The following SLC24A4 variants were observed in gnomAD, a reference collection of about 807,000 sequenced individuals.
The protein encoded by SLC24A4 is solute carrier family 24 member 4.
Under a neutral mutation model 79.0 loss-of-function variants are expected in SLC24A4, and 53 were observed. That is an observed-to-expected ratio of 0.67 (90% CI 0.54 to 0.84). SLC24A4 has a LOEUF of 0.84. Ranked by LOEUF, SLC24A4 falls within the 40% of genes least tolerant of loss-of-function variation. The probability of loss-of-function intolerance (pLI) is 0.00; values close to 1 mark genes in which losing one functional copy is unlikely to be tolerated. For missense variants in SLC24A4, 731 were observed against 822.0 expected (o/e 0.89, Z 1.35); for synonymous variants, 323 against 323.8 (o/e 1.00, Z 0.03).
At chr14:92,374,226 C>T (rs1888370299) in intron 2 of SLC24A4, among the ~76,000 whole-genome samples, 2 of 152,210 alleles carry the variant, frequency 1.3e-5, no homozygotes, top group African/African-American at 4.8e-5. Context: ...TGTTACCTCA[C>T]CGTTCCTGAG....
intron 2 of SLC24A4, among the ~76,000 whole-genome samples, chr14:92,378,974 A>G (rs898120737): frequency 6.6e-6 from 1 of 152,168 alleles, no homozygotes; most frequent in Non-Finnish European, 1.5e-5. Context: ...AGATGGGAGA[A>G]TCGCTTGAGC....
intron 2 of SLC24A4, among the ~76,000 whole-genome samples, chr14:92,395,067 G>A (rs927737204): frequency 1.3e-5 from 2 of 152,168 alleles, no homozygotes; most frequent in African/African-American, 4.8e-5. Context: ...GGAAAGGGTC[G>A]GAGTGGCCTC....
At chr14:92,465,079 A>G (rs1016780251) in intron 12 of SLC24A4, among the ~76,000 whole-genome samples, 7 of 152,176 alleles carry the variant, frequency 4.6e-5, no homozygotes, top group Admixed American at 2.0e-4. Flanking sequence ...GATGAGAACA[A>G]CGTGTTCCCT....
chr14:92,372,986 C>CCT (rs1264684347), intron 2 of SLC24A4, among the ~76,000 whole-genome samples: 4 of 130,662 alleles, frequency 3.1e-5, no homozygotes, highest in African/African-American at 7.9e-5. Context: ...CCTCCCTCTC[C>CCT]CTCTCTCTCT....
intron 2 of SLC24A4, among the ~76,000 whole-genome samples, chr14:92,427,686 A>T (rs763375091): frequency 9.2e-5 from 14 of 152,240 alleles, no homozygotes; most frequent in Non-Finnish European, 2.1e-4. Context: ...AATAGAATCC[A>T]TGTTTAATAT....
intron 2 of SLC24A4, among the ~76,000 whole-genome samples, chr14:92,371,581 C>T (rs1418417370): frequency 3.3e-5 from 5 of 152,212 alleles, no homozygotes. Flanking sequence ...TCTCCACTAA[C>T]TCATTTATAA....
chr14:92,376,703 G>A (rs1053506349), intron 2 of SLC24A4, among the ~76,000 whole-genome samples: 5 of 152,188 alleles, frequency 3.3e-5, no homozygotes, highest in Non-Finnish European at 5.9e-5. Context: ...CTTAAACCTC[G>A]TTTAGCTCAG....
At chr14:92,383,759 G>A (rs543022210) in intron 2 of SLC24A4, among the ~76,000 whole-genome samples, 69 of 151,298 alleles carry the variant, frequency 4.6e-4, no homozygotes, top group Non-Finnish European at 5.9e-4. Context: ...GATGAGAGAT[G>A]CTTCCCAGAC....
chr14:92,384,679 G>C (rs1889050231), intron 2 of SLC24A4, among the ~76,000 whole-genome samples: 1 of 152,178 alleles, frequency 6.6e-6, no homozygotes, highest in African/African-American at 2.4e-5. Flanking sequence ...GGAAGATACT[G>C]AGGCTTTAAA....
rs1260495687 is a variant in SLC24A4 at position 92,441,333 on chromosome 14, T to C, written c.394-756T>C. ...CAGCGCTGCATTTCGGATCAGAGGATGGGCTCTGTGGCCAGACATGACCCG... is the reference window on the plus strand; with the variant it reads ...CAGCGCTGCATTTCGGATCAGAGGACGGGCTCTGTGGCCAGACATGACCCG... On this transcript the variant is annotated intron_variant, in intron 4 of 16. Coordinates refer to ENST00000532405, the MANE Select transcript of SLC24A4 (RefSeq NM_153646.4). The surrounding 1 kb of genome is among the most constrained non-coding windows in gnomAD (Gnocchi z 4.6). Among the ~76,000 whole-genome samples the C allele has an allele frequency of 6.6e-6, 1 of 152,174 alleles. No individual in the cohort carries two copies. The highest frequency in any genetic ancestry group is 1.5e-5 in the Non-Finnish European group (1 of 68,030).
chr14:92,408,416 C>G, intron 2 of SLC24A4: 1 of 985,398 alleles, frequency 1.0e-6, no homozygotes, highest in Non-Finnish European at 1.2e-6. Flanking sequence ...AGCTAAAGCT[C>G]TCCTATCTCT....
chr14:92,432,324 CATT>C (rs1353231652), intron 2 of SLC24A4, among the ~76,000 whole-genome samples: 1 of 152,166 alleles, frequency 6.6e-6, no homozygotes, highest in Non-Finnish European at 1.5e-5. Context: ...GATGACATGA[CATT>C]GTTCTAATTT....
At chr14:92,424,483 A>G (rs1444756039) in intron 2 of SLC24A4, among the ~76,000 whole-genome samples, 1 of 152,206 alleles carries the variant, frequency 6.6e-6, no homozygotes. Flanking sequence ...CACTGATGGC[A>G]GAAGGTGAAA....
In SLC24A4 at chr14:92,491,535, T is replaced by C. The variant is rs150135226; in HGVS notation, c.1538-130T>C. 82 of 665,406 alleles carry C rather than the reference T, an allele frequency of 1.2e-4. No individual in the cohort carries two copies. In the African/African-American group the frequency reaches 1.3e-3, roughly 11 times the overall value. 41.2% of individuals were successfully genotyped at this position (665,406 alleles called of 1,614,324 possible). On this transcript the variant is annotated intron_variant, in intron 14 of 16. Coordinates refer to ENST00000532405, the MANE Select transcript of SLC24A4 (RefSeq NM_153646.4). ...ATGGATCTGAGGCCTTATGAAAAGG[T>C]TTAGAAATGTAAGGTCCTTGCAGAA...
intron 9 of SLC24A4, among the ~76,000 whole-genome samples, chr14:92,448,022 G>A (rs1229269559): frequency 6.6e-6 from 1 of 152,144 alleles, no homozygotes; most frequent in African/African-American, 2.4e-5. Context: ...TCTACCACAT[G>A]GATGAACCTG....
chr14:92,342,363 C>CCATTT (rs1886200254), intron 2 of SLC24A4, among the ~76,000 whole-genome samples: 1 of 137,848 alleles, frequency 7.3e-6, no homozygotes, highest in Non-Finnish European at 1.6e-5. Context: ...TTTTTTTCCC[C>CCATTT]ATTTATTTAT....
In SLC24A4 at chr14:92,490,827, C is replaced by T. The variant is rs527954269; in HGVS notation, c.1538-838C>T. On this transcript the variant is annotated intron_variant, in intron 14 of 16. Transcript: ENST00000532405. This position sits in a 1 kb window ranked among gnomAD's most constrained non-coding sequence, Gnocchi z 4.3. ...ATCTGCTAGGCTTCGTTCCCACAAA[C>T]GGGGTGCCGTAAACAACGGAAGTGT... 2.7e-4 allele frequency among the ~76,000 whole-genome samples: 41 copies of T among 152,208 alleles called. No individual in the cohort carries two copies. The highest frequency in any genetic ancestry group is 1.0e-3 in the South Asian group (5 of 4,828).
intron 7 of SLC24A4, 141 bp downstream of exon 7, chr14:92,443,615 GGTCA>G: frequency 8.1e-6 from 7 of 865,552 alleles, no homozygotes; most frequent in African/African-American, 1.6e-5. Flanking sequence ...CACTCACTGC[GGTCA>G]CAGTGACCAG....
chr14:92,443,514 A>T, intron 7 of SLC24A4, 40 bp downstream of exon 7: 1 of 1,605,870 alleles, frequency 6.2e-7, no homozygotes, highest in East Asian at 2.2e-5. Context: ...GTTGGCTGGG[A>T]CCCTGCGAAG....
Sources: gnomAD v4.1 joint callset for allele counts (sites outside exome capture counted in the v4.1 genomes callset) on GRCh38, gnomAD v4.1.1 for gene constraint, Gnocchi (gnomAD v3.1) non-coding constraint, MANE v1.5 for transcripts, NCBI Gene and HGNC (gene_info 2026-07-23, HGNC 2026-07-21) for gene names.